Variants in PNPLA7 observed in about 807,000 individuals in gnomAD.
PNPLA7 encodes the protein patatin like domain 7, lysophospholipase.
PNPLA7 carries 153 observed loss-of-function variants against 161.7 expected under a neutral mutation model. The observed-to-expected ratio is 0.95, with a 90% CI of 0.83 to 1.08. The LOEUF is 1.08. Ranked by LOEUF, PNPLA7 falls within the 50% of genes least tolerant of loss-of-function variation. PNPLA7 has a pLI of 0.00. For missense variants in PNPLA7, 1,739 were observed against 1,856.6 expected, an observed-to-expected ratio of 0.94 and a Z score of 1.16; for synonymous variants, 809 against 782.1, an observed-to-expected ratio of 1.03 and a Z score of -0.57.
chr9:137,486,364 G>A lies in PNPLA7; in HGVS notation c.2198-1628C>T, dbSNP rs1008068131. ...AGCCTGTGAACGGGGAACATGGCTC[G>A]GAGAACCAGCGCACAGCCGGCAATC... On this transcript the variant is annotated intron_variant, in intron 20 of 34. Transcript: ENST00000406427. The surrounding 1 kb of genome is among the most constrained non-coding windows in gnomAD (Gnocchi z 6.0). Among the ~76,000 whole-genome samples the A allele has an allele frequency of 2.6e-4, 39 of 152,270 alleles. No individual in the cohort carries two copies. Among genetic ancestry groups the A allele is most frequent in the African/African-American group, 9.4e-4 (39 of 41,538 alleles).
In PNPLA7 at chr9:137,520,091, C is replaced by T; in HGVS notation, c.958-48G>A. ...AGTGCCACCCCAGGAACACCCCACA[C>T]CCACTGACAGGTGTGGGCTCCTCAA... On this transcript the variant is annotated intron_variant, in intron 10 of 34. Transcript: ENST00000406427. The surrounding 1 kb of genome is among the most constrained non-coding windows in gnomAD (Gnocchi z 5.2). The T allele has an allele frequency of 1.2e-6, 2 of 1,605,478 alleles. No homozygotes were observed. Among genetic ancestry groups the T allele is most frequent in the Non-Finnish European group, 1.7e-6 (2 of 1,177,604 alleles).
chr9:137,546,764 G>T, intron 4 of PNPLA7, 66 bp downstream of exon 4: 1 of 1,481,918 alleles, frequency 6.7e-7, no homozygotes, highest in Non-Finnish European at 9.4e-7. Context: ...ACAGCAGAAG[G>T]GGTCCCTCCC....
chr9:137,467,898 A>AAAAT lies in PNPLA7; in HGVS notation c.2883-429_2883-426dup, dbSNP rs1831549892. The stretch of plus-strand genomic sequence containing the variant: ...GGGAGACAGAGTGAGACTCTGACTC[A>AAAAT]AAATAAATAAATAAATAAATTAATT... On this transcript the variant is annotated intron_variant, in intron 25 of 34. Coordinates refer to ENST00000406427, the MANE Select transcript of PNPLA7 (RefSeq NM_001098537.3). This position sits in a 1 kb window ranked among gnomAD's most constrained non-coding sequence, Gnocchi z 5.1. 6.6e-6 allele frequency among the ~76,000 whole-genome samples: 1 copy of AAAAT among 152,204 alleles called. No individual in the cohort carries two copies. Among genetic ancestry groups the AAAAT allele is most frequent in the African/African-American group, 2.4e-5 (1 of 41,448 alleles).
At chr9:137,502,349 C>G (rs1304953022) in intron 14 of PNPLA7, among the ~76,000 whole-genome samples, 2 of 152,082 alleles carry the variant, frequency 1.3e-5, no homozygotes, top group African/African-American at 4.8e-5. Context: ...AAGCCCCACC[C>G]AGCATCTTTG....
chr9:137,479,687 A>G, intron 23 of PNPLA7: 2 of 985,378 alleles, frequency 2.0e-6, no homozygotes, highest in Non-Finnish European at 2.4e-6. Flanking sequence ...GGAAATGCAA[A>G]CTGAAGGCAG....
At chr9:137,521,137 G>A (rs1487204967) in intron 10 of PNPLA7, among the ~76,000 whole-genome samples, 1 of 152,172 alleles carries the variant, frequency 6.6e-6, no homozygotes, top group Admixed American at 6.5e-5. Context: ...CATGGGATGG[G>A]CATGGGGAGG....
chr9:137,478,257 C>T (rs1832035993), intron 24 of PNPLA7, 105 bp from the exon 25 acceptor site: 1 of 860,748 alleles, frequency 1.2e-6, no homozygotes, highest in Non-Finnish European at 1.6e-6. Context: ...CTGACCCAAA[C>T]TGACCCCAAA....
chr9:137,470,003 G>T (rs1390187588), intron 25 of PNPLA7, among the ~76,000 whole-genome samples: 1 of 152,118 alleles, frequency 6.6e-6, no homozygotes, highest in Non-Finnish European at 1.5e-5. Context: ...ACTCAGTAAA[G>T]ATTAAATAAA....
At position 137,524,781 on chromosome 9, in the gene PNPLA7, C is replaced by T. The variant is rs190464965; in HGVS notation, c.748-1924G>A. Among the ~76,000 whole-genome samples, 31 of 151,896 alleles carry T rather than the reference C, an allele frequency of 2.0e-4. No homozygotes were observed. The highest frequency in any genetic ancestry group is 9.8e-4 in the Admixed American group (15 of 15,244). On this transcript the variant is annotated intron_variant, in intron 8 of 34. Coordinates refer to ENST00000406427, the MANE Select transcript of PNPLA7 (RefSeq NM_001098537.3). The surrounding 1 kb of genome is among the most constrained non-coding windows in gnomAD (Gnocchi z 4.4). Reference sequence around the variant, plus strand: ...GTGGAATGAGTTTCCGTGGATGCCCCGTGGAATGGGTTTCCGTGGATGCCC... The same window carrying T: ...GTGGAATGAGTTTCCGTGGATGCCCTGTGGAATGGGTTTCCGTGGATGCCC...
Position 137,469,094 on chromosome 9 carries a change from A to T in PNPLA7, c.2883-1621T>A, listed in dbSNP as rs114830694. Among the ~76,000 whole-genome samples, 552 of 152,358 alleles carry T rather than the reference A, an allele frequency of 3.6e-3. 5 individuals carry two copies. Among genetic ancestry groups the T allele is most frequent in the African/African-American group, 0.013 (532 of 41,586 alleles). ...ACCCAAGTTCAAGGAATTAAAAACA[A>T]GAGTGTTAATTCTGGCATAAAACCA... On this transcript the variant is annotated intron_variant, in intron 25 of 34. Transcript: ENST00000406427.
At chr9:137,471,101 A>C (rs945792241) in intron 25 of PNPLA7, among the ~76,000 whole-genome samples, 1 of 152,250 alleles carries the variant, frequency 6.6e-6, no homozygotes, top group Non-Finnish European at 1.5e-5. Context: ...AACAGAAAGA[A>C]CGTACATATG....
chr9:137,461,376 G>T, intron 33 of PNPLA7, 160 bp downstream of exon 33: 1 of 746,172 alleles, frequency 1.3e-6, no homozygotes, highest in Non-Finnish European at 2.1e-6. Context: ...CGTGGTGCCC[G>T]GGACGGAGGA....
At chr9:137,489,712 T>G (rs1832676842) in intron 20 of PNPLA7, among the ~76,000 whole-genome samples, 1 of 152,158 alleles carries the variant, frequency 6.6e-6, no homozygotes, top group Non-Finnish European at 1.5e-5. Flanking sequence ...ACAGAACATT[T>G]TTTTAAAACT....
In PNPLA7 at chr9:137,540,959, T is replaced by TC. The variant is rs985860947; in HGVS notation, c.667-238dup. 8 of 482,586 alleles carry TC rather than the reference T, an allele frequency of 1.7e-5. No homozygotes were observed. The highest frequency in any genetic ancestry group is 2.3e-5 in the Non-Finnish European group (6 of 262,160). The allele number at this position is 482,586 out of a possible 1,614,324, so 29.9% of individuals were successfully genotyped here. On this transcript the variant is annotated intron_variant, in intron 7 of 34. Transcript: ENST00000406427. The surrounding 1 kb of genome is among the most constrained non-coding windows in gnomAD (Gnocchi z 5.1). The stretch of plus-strand genomic sequence containing the variant: ...AGACGGAGGAGACCCCACCTCTCCA[T>TC]CCCATGACTCGTCTTCAATGTGGGG...
At chr9:137,509,227 A>T (rs999500425) in intron 12 of PNPLA7, 1 of 153,838 alleles carries the variant, frequency 6.5e-6, no homozygotes, top group Non-Finnish European at 1.4e-5. Context: ...GGTACGAGTG[A>T]GTTTAGCTGG....
chr9:137,545,882 C>A (rs1323013270), intron 4 of PNPLA7, among the ~76,000 whole-genome samples: 1 of 152,118 alleles, frequency 6.6e-6, no homozygotes, highest in Non-Finnish European at 1.5e-5. Flanking sequence ...CTAGCGGTAG[C>A]GTCAGTGTCA....
At position 137,461,993 on chromosome 9, in the gene PNPLA7, T is replaced by C; in HGVS notation, c.3694A>G (p.Ser1232Gly). ...GRTVFDIWGR[S>G]GVLEKMLRDQ... ...CGGAGCATCTTCTCCAGCACGCCGC[T>C]GCGGCCCCAGATGTCAAACACCGTG... The change falls in exon 32 of 35, where the codon AGC (serine) becomes GGC (glycine). Residue 1232 changes from serine (S) to glycine (G), a missense_variant. Ser to Gly is a moderately conservative substitution (Grantham distance 56, BLOSUM62 0). This residue lies in a region of PNPLA7 where 703 missense variants were observed against 694.6 expected (regional missense o/e 1.01). Transcript: ENST00000406427. 6.2e-7 allele frequency: 1 copy of C among 1,603,432 alleles called. No homozygotes were observed. Among genetic ancestry groups the C allele is most frequent in the Non-Finnish European group, 8.5e-7 (1 of 1,177,286 alleles).
At position 137,498,238 on chromosome 9, in the gene PNPLA7, G is replaced by A. The variant is rs1301284698; in HGVS notation, c.1765C>T (p.Arg589Trp). 12 of 1,610,690 alleles carry A rather than the reference G, an allele frequency of 7.5e-6. No homozygotes were observed. Among genetic ancestry groups the A allele is most frequent in the East Asian group, 2.2e-5 (1 of 44,902 alleles). Residue 589 changes from arginine to tryptophan, a missense_variant, in exon 17 of 35, where the codon CGG (arginine) becomes TGG (tryptophan). By Grantham distance (101) the Arg-to-Trp change is moderately radical. Transcript: ENST00000406427. The stretch of plus-strand genomic sequence containing the variant: ...CCCAGGACGACGGTCGGCTGCTTCC[G>A]CATGATTCTGCCGGGCAGCCCAGAG... Reference protein sequence around the residue: ...ISKAHFYEIMRKQPTVVLGVA... With the variant: ...ISKAHFYEIMWKQPTVVLGVA...
chr9:137,509,452 G>T, intron 12 of PNPLA7: 1 of 234,660 alleles, frequency 4.3e-6, no homozygotes. Context: ...GTATGAATGA[G>T]TTTAGCTGGT....
Sources: gnomAD v4.1 joint callset for allele counts (sites outside exome capture counted in the v4.1 genomes callset) on GRCh38, gnomAD v4.1.1 for gene constraint, gnomAD v4.1.1 regional missense constraint, Gnocchi (gnomAD v3.1) non-coding constraint, MANE v1.5 for transcripts, NCBI Gene and HGNC (gene_info 2026-07-23, HGNC 2026-07-21) for gene names.